Variants in ZNF157 observed in about 807,000 individuals in gnomAD.
ZNF157 encodes zinc finger protein 157, also known as zinc finger protein 22.
ZNF157 carries 8 observed loss-of-function variants against 9.4 expected under a neutral mutation model. The ratio of observed to expected loss-of-function variants is 0.85; its 90% CI spans 0.50 to 1.53. The LOEUF is 1.53. ZNF157 is among the 40% of genes most tolerant of loss of function. ZNF157 has a pLI of 0.00. For missense variants in ZNF157, 316 were observed against 385.2 expected (o/e 0.82, Z 1.50); for synonymous variants, 120 against 130.8 (o/e 0.92, Z 0.56).
At position 47,387,813 on chromosome X, in the gene ZNF157, G is replaced by GAA. The variant is rs772361743; in HGVS notation, c.72+17074_72+17075dup. Among the ~76,000 whole-genome samples, 27 of 90,531 alleles carry GAA rather than the reference G, an allele frequency of 3.0e-4. No individual in the cohort carries two copies. The South Asian group carries it at 0.013, about 44-fold the overall frequency. The allele number at this position is 90,531 out of a possible 115,157, so 78.6% of individuals were successfully genotyped here. A position where few individuals can be genotyped will look rare whatever the true frequency, so the allele number is the denominator to read the frequency against. Reference sequence around the variant, plus strand: ...AGCTACTTGGAAGGCTGAGGCAGGAGAATCACCTGAACACAGGAGGCTGAG... The same window carrying GAA: ...AGCTACTTGGAAGGCTGAGGCAGGAGAAAATCACCTGAACACAGGAGGCTGAG... On this transcript the variant is annotated intron_variant, in intron 1 of 3. Coordinates refer to ENST00000377073, the MANE Select transcript of ZNF157 (RefSeq NM_003446.4).
At chrX:47,404,749 A>G (rs2055941722) in intron 1 of ZNF157, among the ~76,000 whole-genome samples, 1 of 110,215 alleles carries the variant, frequency 9.1e-6, no homozygotes, top group African/African-American at 3.3e-5. Flanking sequence ...AGTGCCCTGG[A>G]TATTATTCTT....
rs1289316994 is a variant in ZNF157, at chrX:47,408,707, C to A, written c.73-1569C>A. On this transcript the variant is annotated intron_variant, in intron 1 of 3. Transcript: ENST00000377073. ...CTGGGATTACAGGCATGAGCCACTG[C>A]GCCCGGACAGCAGGCACATCTTACA... 3.6e-5 allele frequency among the ~76,000 whole-genome samples: 4 copies of A among 111,882 alleles called. No individual in the cohort carries two copies. The Admixed American group carries it at 3.8e-4, about 11-fold the overall frequency.
intron 1 of ZNF157, among the ~76,000 whole-genome samples, chrX:47,374,944 C>CGTG (rs2055839695): frequency 9.9e-6 from 1 of 101,293 alleles, no homozygotes; most frequent in African/African-American, 3.6e-5. Flanking sequence ...CTCCTGACCT[C>CGTG]AGCCTCCCAA....
At chrX:47,389,509 C>T (rs893132637) in intron 1 of ZNF157, among the ~76,000 whole-genome samples, 1 of 111,598 alleles carries the variant, frequency 9.0e-6, no homozygotes, top group Non-Finnish European at 1.9e-5. Flanking sequence ...CGTCGCCATG[C>T]CTGGCTAATT....
In ZNF157 at chrX:47,372,171, A is replaced by C. The variant is rs188466044; in HGVS notation, c.72+1431A>C. 2.7e-5 allele frequency among the ~76,000 whole-genome samples: 3 copies of C among 111,036 alleles called. No individual in the cohort carries two copies. The Admixed American group carries it at 2.9e-4, about 11-fold the overall frequency. ...GCTAATGAGTTGACTGATGCCTGGC[A>C]GTCCCTAGGCAGCTTCCGAATGGGG... On this transcript the variant is annotated intron_variant, in intron 1 of 3. Transcript: ENST00000377073.
In ZNF157 at chrX:47,413,307, A is replaced by G. The variant is rs2055972468; in HGVS notation, c.1234A>G (p.Lys412Glu). 8.3e-7 allele frequency: 1 copy of G among 1,210,111 alleles called. No homozygotes were observed. Among genetic ancestry groups the G allele is most frequent in the African/African-American group, 1.7e-5 (1 of 57,303 alleles). Reference sequence around the variant, plus strand: ...ACATCAGAGGATGCATTCAGGAGAGAAACCCTACGAATGTAGTGAATGTGG... The same window carrying G: ...ACATCAGAGGATGCATTCAGGAGAGGAACCCTACGAATGTAGTGAATGTGG... ...IEHQRMHSGE[K>E]PYECSECGKI... The change falls in exon 4 of 4, where the codon AAA becomes GAA. Residue 412 changes from lysine to glutamate, a missense_variant. Lys to Glu is a moderately conservative substitution (Grantham distance 56, BLOSUM62 1). This residue lies in a region of ZNF157 where 167 missense variants were observed against 183.6 expected (regional missense o/e 0.91). Transcript: ENST00000377073.
chrX:47,405,154 G>A (rs2055943176), intron 1 of ZNF157, among the ~76,000 whole-genome samples: 1 of 111,234 alleles, frequency 9.0e-6, no homozygotes, highest in African/African-American at 3.3e-5. Context: ...TTGGGAAGCT[G>A]AGGCGGGTAG....
intron 1 of ZNF157, among the ~76,000 whole-genome samples, chrX:47,376,388 G>A (rs748034067): frequency 5.4e-5 from 6 of 112,103 alleles, no homozygotes; most frequent in Non-Finnish European, 7.5e-5. Context: ...GCTGAGGCAG[G>A]TGGATCACCT....
chrX:47,393,727 G>A (rs865777202), intron 1 of ZNF157, among the ~76,000 whole-genome samples: 2 of 55,072 alleles, frequency 3.6e-5, no homozygotes, highest in African/African-American at 8.3e-5. Flanking sequence ...TACCATCCCC[G>A]CCACCCTCCC....
chrX:47,399,661 T>A (rs755116374), intron 1 of ZNF157, among the ~76,000 whole-genome samples: 8 of 111,282 alleles, frequency 7.2e-5, no homozygotes, highest in Non-Finnish European at 1.5e-4. Context: ...TAAGCCCATG[T>A]CTCCTCTCTC....
intron 1 of ZNF157, among the ~76,000 whole-genome samples, chrX:47,387,639 G>C (rs1296047888): frequency 1.8e-5 from 2 of 109,765 alleles, no homozygotes; most frequent in Non-Finnish European, 3.8e-5. Context: ...CCTCAGTCGG[G>C]CGCGGTGGCT....
intron 1 of ZNF157, among the ~76,000 whole-genome samples, chrX:47,409,260 G>A (rs2055956093): frequency 8.9e-6 from 1 of 112,141 alleles, no homozygotes; most frequent in African/African-American, 3.2e-5. Flanking sequence ...AGCTGTTCAT[G>A]CAGTTATCCT....
rs758927576 is a variant in ZNF157 at position 47,410,290 on chromosome X, C to T, written c.87C>T (p.Phe29=). ...PGRSFEGSVS[F]EDVAVDFTRQ... is the part of the protein sequence containing the mutation. ...TGTTATTACAGGGGTCCGTGTCATT[C>T]GAGGATGTGGCTGTGGATTTCACCC... Residue 29 remains phenylalanine (F), a synonymous_variant, in exon 2 of 4, where the codon TTC becomes TTT. Coordinates refer to ENST00000377073, the MANE Select transcript of ZNF157 (RefSeq NM_003446.4). 11 of 1,209,055 alleles carry T rather than the reference C, an allele frequency of 9.1e-6. No homozygotes were observed. Among genetic ancestry groups the T allele is most frequent in the African/African-American group, 7.0e-5 (4 of 56,911 alleles).
chrX:47,381,337 C>T (rs908962208), intron 1 of ZNF157, among the ~76,000 whole-genome samples: 2 of 111,207 alleles, frequency 1.8e-5, no homozygotes, highest in African/African-American at 6.5e-5. Flanking sequence ...CTCTCCTGCT[C>T]TGCTCATGTC....
chrX:47,402,224 T>C (rs1428371615), intron 1 of ZNF157, among the ~76,000 whole-genome samples: 3 of 111,897 alleles, frequency 2.7e-5, no homozygotes, highest in Non-Finnish European at 5.6e-5. Flanking sequence ...TTGTAACATA[T>C]GTATCTTAAG....
Position 47,370,657 on chromosome X carries a change from C to A in ZNF157, c.-12C>A. The A allele has an allele frequency of 8.3e-7, 1 of 1,203,128 alleles. No homozygotes were observed. Among genetic ancestry groups the A allele is most frequent in the Non-Finnish European group, 1.1e-6 (1 of 891,197 alleles). ...GTCCAGCACGGAAGGTGGGCTGAGGCCCAGGGTGAACATGCCAGCTAATGG... is the reference window on the plus strand; with the variant it reads ...GTCCAGCACGGAAGGTGGGCTGAGGACCAGGGTGAACATGCCAGCTAATGG... On this transcript the variant is annotated 5_prime_UTR_variant, in exon 1 of 4. Coordinates refer to ENST00000377073, the MANE Select transcript of ZNF157 (RefSeq NM_003446.4).
At chrX:47,372,261 G>A (rs2055831023) in intron 1 of ZNF157, among the ~76,000 whole-genome samples, 1 of 109,771 alleles carries the variant, frequency 9.1e-6, no homozygotes, top group East Asian at 2.9e-4. Context: ...TGGGAGGGGA[G>A]AGGGTGCTGA....
intron 1 of ZNF157, among the ~76,000 whole-genome samples, chrX:47,385,015 G>A (rs1461147988): frequency 9.0e-6 from 1 of 111,551 alleles, no homozygotes; most frequent in Non-Finnish European, 1.9e-5. Context: ...TTCTGTCATC[G>A]ACTGGACAAT....
intron 1 of ZNF157, among the ~76,000 whole-genome samples, chrX:47,371,221 C>T (rs188010959): frequency 9.2e-4 from 101 of 110,021 alleles, no homozygotes; most frequent in African/African-American, 3.2e-3. Flanking sequence ...ACCTGTACTC[C>T]CAGCTACTCG....
Sources: allele counts gnomAD v4.1 joint callset (sites outside exome capture counted in the v4.1 genomes callset), GRCh38; gene constraint gnomAD v4.1.1; regional missense constraint gnomAD v4.1.1; transcripts MANE v1.5; gene names NCBI Gene and HGNC (gene_info 2026-07-23, HGNC 2026-07-21).